The following DMXL2 variants were observed in gnomAD, a reference collection of about 807,000 sequenced individuals.
DMXL2 encodes Dmx like 2.
In DMXL2, 103 loss-of-function variants were observed where a neutral mutation model predicts 331.1. The ratio of observed to expected loss-of-function variants is 0.31; its 90% CI spans 0.27 to 0.37. The LOEUF is 0.37. Ranked by LOEUF, DMXL2 falls within the 10% of genes least tolerant of loss-of-function variation. DMXL2 has a pLI of 1.00. For synonymous variants in DMXL2, 1,281 were observed against 1,252.1 expected (o/e 1.02, Z -0.49); for missense variants, 3,171 against 3,642.9 (o/e 0.87, Z 3.33).
Position 51,457,311 on chromosome 15 carries a change from A to G in DMXL2, c.8337+17T>C, listed in dbSNP as rs139629638. The G allele has an allele frequency of 1.5e-4, 240 of 1,608,590 alleles. No homozygotes were observed. The highest frequency in any genetic ancestry group is 3.2e-4 in the Admixed American group (19 of 58,678). ...GAGTCCAAATCCAGAAATGATACCTATAAGTAAATAACATACCACACTAGC... is the reference window on the plus strand; with the variant it reads ...GAGTCCAAATCCAGAAATGATACCTGTAAGTAAATAACATACCACACTAGC... On this transcript the variant is annotated intron_variant, in intron 37 of 43. Coordinates refer to ENST00000560891, the MANE Select transcript of DMXL2 (RefSeq NM_001378457.1).
At chr15:51,595,150 A>G (rs2052701063) in intron 1 of DMXL2, among the ~76,000 whole-genome samples, 1 of 152,260 alleles carries the variant, frequency 6.6e-6, no homozygotes, top group Non-Finnish European at 1.5e-5. Context: ...TGCAGATGAC[A>G]TGATTGTATA....
At chr15:51,501,798 T>C (rs2043630139) in intron 17 of DMXL2, among the ~76,000 whole-genome samples, 1 of 150,452 alleles carries the variant, frequency 6.6e-6, no homozygotes, top group Non-Finnish European at 1.5e-5. Flanking sequence ...TGGGCGCCTG[T>C]AGTCCCAGCT....
At chr15:51,516,477 G>GA (rs535760824) in intron 14 of DMXL2, among the ~76,000 whole-genome samples, 25 of 152,284 alleles carry the variant, frequency 1.6e-4, no homozygotes, top group African/African-American at 5.1e-4. Flanking sequence ...CTATTGAGTT[G>GA]AAAAGAGTAA....
intron 36 of DMXL2, chr15:51,457,768 A>G (rs1301433982): frequency 1.2e-5 from 3 of 247,818 alleles, no homozygotes; most frequent in Non-Finnish European, 2.3e-5. Flanking sequence ...CAGATAGCTC[A>G]GTATCAAATT....
chr15:51,481,101 T>C lies in DMXL2; in HGVS notation c.6005A>G (p.Asp2002Gly), dbSNP rs775574502. 6 of 1,613,250 alleles carry C rather than the reference T, an allele frequency of 3.7e-6. No individual in the cohort carries two copies. The South Asian group carries it at 6.6e-5, about 18-fold the overall frequency. Residue 2002 changes from aspartate to glycine, a missense_variant, in exon 24 of 44, where the codon GAT becomes GGT. By Grantham distance (94) the Asp-to-Gly change is moderately conservative. Coordinates refer to ENST00000560891, the MANE Select transcript of DMXL2 (RefSeq NM_001378457.1). The stretch of plus-strand genomic sequence containing the variant: ...TGATTGTTTATCTTTTTCCCTGGCA[T>C]CTGTACTTTTCATCACTAAACCAAC... ...DAVGLVMKST[D>G]AREKDKQSDQ... is the part of the protein sequence containing the mutation.
chr15:51,540,089 C>T (rs542640356), intron 9 of DMXL2, among the ~76,000 whole-genome samples: 1 of 152,230 alleles, frequency 6.6e-6, no homozygotes, highest in South Asian at 2.1e-4. Context: ...ACCTATGTGC[C>T]TATGTAGTAA....
intron 1 of DMXL2, among the ~76,000 whole-genome samples, chr15:51,582,750 G>C (rs1232070195): frequency 1.3e-5 from 2 of 151,958 alleles, no homozygotes; most frequent in East Asian, 1.9e-4. Flanking sequence ...TCATGTACAA[G>C]GTAAATAAGG....
In DMXL2 at chr15:51,480,098, A is replaced by T; in HGVS notation, c.6606T>A (p.Pro2202=). 6.3e-7 allele frequency: 1 copy of T among 1,590,476 alleles called. No individual in the cohort carries two copies. The highest frequency in any genetic ancestry group is 1.3e-5 in the African/African-American group (1 of 74,710). Residue 2202 remains proline (P), a synonymous_variant, in exon 25 of 44, where the codon CCT becomes CCA. Transcript: ENST00000560891. ...TTGCTGAAAGCAGAGGTAGGGTGGT[A>T]GGCAGTGGTAGTGGAGACTGGAGCT... ...VKQLQSPLPL[P]TTLPLLSASI... is the part of the protein sequence containing the mutation.
At chr15:51,521,894 T>C (rs973573781) in intron 13 of DMXL2, among the ~76,000 whole-genome samples, 3 of 152,190 alleles carry the variant, frequency 2.0e-5, no homozygotes, top group Admixed American at 6.5e-5. Flanking sequence ...ATTGAGTAAA[T>C]AAGTTACTGA....
intron 6 of DMXL2, among the ~76,000 whole-genome samples, chr15:51,557,410 A>G (rs1027933856): frequency 6.6e-6 from 1 of 152,198 alleles, no homozygotes; most frequent in Non-Finnish European, 1.5e-5. Flanking sequence ...TCATGTTCAT[A>G]AACGGGAAGA....
rs566976742 is a variant in DMXL2 at position 51,537,571 on chromosome 15, T to C, written c.1534A>G (p.Ile512Val). The change falls in exon 11 of 44, where the codon ATA becomes GTA. Residue 512 changes from isoleucine to valine, a missense_variant. By Grantham distance (29) the Ile-to-Val change is conservative. Around this residue, in one of 7 missense-constraint regions of DMXL2, gnomAD observed 1,674 missense variants for 1,780.2 expected, o/e 0.94. Transcript: ENST00000560891. ...WNKNPDMLFT[I>V]HPVDGTFLVW... ...AGAAAGGTACCATCTACAGGGTGTATTGTAAAAAGCATATCAGGATTCTTA... is the reference window on the plus strand; with the variant it reads ...AGAAAGGTACCATCTACAGGGTGTACTGTAAAAAGCATATCAGGATTCTTA... 17 of 1,613,902 alleles carry C rather than the reference T, an allele frequency of 1.1e-5. No individual in the cohort carries two copies. The African/African-American group carries it at 1.7e-4, about 16-fold the overall frequency.
intron 1 of DMXL2, among the ~76,000 whole-genome samples, chr15:51,599,873 G>A (rs995544848): frequency 1.3e-5 from 2 of 152,034 alleles, no homozygotes; most frequent in Non-Finnish European, 2.9e-5. Context: ...CTAATTTTTT[G>A]TATTTTTAGT....
At chr15:51,603,989 C>G (rs2053406526) in intron 1 of DMXL2, among the ~76,000 whole-genome samples, 1 of 151,852 alleles carries the variant, frequency 6.6e-6, no homozygotes, top group African/African-American at 2.4e-5. Flanking sequence ...TTAATGAACA[C>G]AGATGCAAAC....
At position 51,450,057 on chromosome 15, in the gene DMXL2, A is replaced by T. The variant is rs762948995; in HGVS notation, c.8967+72T>A. 4.6e-4 allele frequency: 630 copies of T among 1,360,400 alleles called. 1 individual carries two copies. The highest frequency in any genetic ancestry group is 9.9e-4 in the Middle Eastern group (4 of 4,056). The allele number at this position is 1,360,400 out of a possible 1,614,324, so 84.3% of individuals were successfully genotyped here. ...GAAATAAAGTGAAGCTTTATTTCAA[A>T]GAATGTGGAGTTTTTGTTTTTTCTC... On this transcript the variant is annotated intron_variant, in intron 43 of 43. Transcript: ENST00000560891.
chr15:51,495,182 G>T (rs756400274), intron 18 of DMXL2, 48 bp from the exon 19 acceptor site: 3 of 1,165,128 alleles, frequency 2.6e-6, no homozygotes, highest in Admixed American at 3.5e-5. Flanking sequence ...AATGCAAGAG[G>T]CCACAAACTG....
At chr15:51,609,396 G>A (rs1005002589) in intron 1 of DMXL2, among the ~76,000 whole-genome samples, 10 of 152,192 alleles carry the variant, frequency 6.6e-5, no homozygotes, top group Admixed American at 3.3e-4. Flanking sequence ...CATGTGCCAC[G>A]TAACATTCTA....
chr15:51,513,911 T>C (rs1030537209), intron 15 of DMXL2, among the ~76,000 whole-genome samples: 7 of 152,164 alleles, frequency 4.6e-5, no homozygotes, highest in Non-Finnish European at 1.0e-4. Flanking sequence ...AAACGTCATA[T>C]TGTTTGTTTT....
Position 51,471,089 on chromosome 15 carries a change from TTAA to T in DMXL2, c.7392+131_7392+133del, listed in dbSNP as rs1051900859. The T allele has an allele frequency of 1.2e-4, 93 of 775,212 alleles. No individual in the cohort carries two copies. The African/African-American group carries it at 1.4e-3, about 12-fold the overall frequency. 48.0% of individuals were successfully genotyped at this position (775,212 alleles called of 1,614,324 possible). Reference sequence around the variant, plus strand: ...TACTATGACTATTCAGTTTCTGGACTTAATAAATTAAACGTCTAAACTATGGTG... The same window carrying T: ...TACTATGACTATTCAGTTTCTGGACTTAAATTAAACGTCTAAACTATGGTG... On this transcript the variant is annotated intron_variant, in intron 29 of 43. Transcript: ENST00000560891.
rs374782700 is a variant in DMXL2 at position 51,506,743 on chromosome 15, G to A, written c.2764+391C>T. Among the ~76,000 whole-genome samples, 72 of 152,190 alleles carry A rather than the reference G, an allele frequency of 4.7e-4. No individual in the cohort carries two copies. The East Asian group carries it at 6.4e-3, about 13-fold the overall frequency. ...GCTGGGATTACAGGCGTGAGCCACC[G>A]CGCCCAGCCAATTCTGCTTATTTTA... On this transcript the variant is annotated intron_variant, in intron 16 of 43. Transcript: ENST00000560891.
Sources: gnomAD v4.1 joint callset for allele counts (sites outside exome capture counted in the v4.1 genomes callset) on GRCh38, gnomAD v4.1.1 for gene constraint, gnomAD v4.1.1 regional missense constraint, MANE v1.5 for transcripts, NCBI Gene and HGNC (gene_info 2026-07-23, HGNC 2026-07-21) for gene names.